The following RGS7 variants were observed in gnomAD, a reference collection of about 807,000 sequenced individuals.
The protein encoded by RGS7 is regulator of G protein signaling 7.
A neutral mutation model predicts 81.1 loss-of-function variants in RGS7; 27 were observed. The observed-to-expected ratio is 0.33, with a 90% CI of 0.25 to 0.46. The LOEUF (loss-of-function observed/expected upper bound fraction) is 0.46. Ranked by LOEUF, RGS7 falls within the 20% of genes least tolerant of loss-of-function variation. The pLI is 1.00. For synonymous variants in RGS7, 208 were observed against 207.7 expected (o/e 1.00, Z -0.01); for missense variants, 396 against 607.4 (o/e 0.65, Z 3.66).
At chr1:241,181,231 T>C (rs1280370308) in intron 2 of RGS7, among the ~76,000 whole-genome samples, 1 of 152,194 alleles carries the variant, frequency 6.6e-6, no homozygotes, top group Non-Finnish European at 1.5e-5. Context: ...TGCCTCTATG[T>C]AGGTTCATTA....
chr1:241,241,086 C>T (rs1309933477), intron 2 of RGS7, among the ~76,000 whole-genome samples: 1 of 152,104 alleles, frequency 6.6e-6, no homozygotes, highest in Non-Finnish European at 1.5e-5. Context: ...GTTTGCTGCC[C>T]TCCAGGTCTT....
chr1:241,096,079 C>G lies in RGS7; in HGVS notation c.175+2587G>C, dbSNP rs560940082. ...CAGTCTGCAACAACTGCACTACCCT[C>G]CTTTCACATATGGCAGGACTTCATC... On this transcript the variant is annotated intron_variant, in intron 3 of 18. Transcript: ENST00000440928. Among the ~76,000 whole-genome samples the G allele has an allele frequency of 5.3e-5, 8 of 152,310 alleles. No individual in the cohort carries two copies. The South Asian group carries it at 1.7e-3, about 32-fold the overall frequency.
chr1:241,128,006 T>C (rs551116284), intron 2 of RGS7, among the ~76,000 whole-genome samples: 8 of 151,998 alleles, frequency 5.3e-5, no homozygotes, highest in South Asian at 2.1e-4. Context: ...GGGTCGGGTG[T>C]GGTGGCTCAC....
At chr1:241,336,117 A>G (rs2082233711) in intron 2 of RGS7, among the ~76,000 whole-genome samples, 1 of 152,138 alleles carries the variant, frequency 6.6e-6, no homozygotes, top group Admixed American at 6.6e-5. Context: ...CTTTTTCTAC[A>G]TAGCCTTGGT....
At chr1:241,296,576 C>A (rs1486974205) in intron 2 of RGS7, among the ~76,000 whole-genome samples, 3 of 152,330 alleles carry the variant, frequency 2.0e-5, no homozygotes. Flanking sequence ...TCAAGTCATT[C>A]CTCCTTTGTC....
chr1:241,147,156 A>C (rs1047615063), intron 2 of RGS7, among the ~76,000 whole-genome samples: 1 of 152,072 alleles, frequency 6.6e-6, no homozygotes, highest in Non-Finnish European at 1.5e-5. Flanking sequence ...ACACGACTCC[A>C]TTTTTCATCA....
chr1:241,217,032 A>G (rs1365412371), intron 2 of RGS7, among the ~76,000 whole-genome samples: 2 of 152,170 alleles, frequency 1.3e-5, no homozygotes, highest in Non-Finnish European at 2.9e-5. Context: ...TTTGTGTCCT[A>G]CCACAAATTC....
intron 2 of RGS7, among the ~76,000 whole-genome samples, chr1:241,245,151 G>A (rs932840588): frequency 6.6e-6 from 1 of 152,002 alleles, no homozygotes; most frequent in Admixed American, 6.6e-5. Flanking sequence ...AAAATGCAAG[G>A]TGATATAATT....
chr1:241,035,586 T>C (rs373398064), intron 3 of RGS7, among the ~76,000 whole-genome samples: 10 of 152,164 alleles, frequency 6.6e-5, no homozygotes, highest in African/African-American at 2.4e-4. Context: ...TATGGCCAAA[T>C]CAACTTATTT....
intron 2 of RGS7, among the ~76,000 whole-genome samples, chr1:241,191,286 T>A (rs1573056095): frequency 6.6e-6 from 1 of 152,290 alleles, no homozygotes; most frequent in Middle Eastern, 3.4e-3. Context: ...GCCTCCACTA[T>A]TGTTATTTTT....
intron 3 of RGS7, among the ~76,000 whole-genome samples, chr1:241,049,280 A>G (rs1275953568): frequency 6.6e-6 from 1 of 152,216 alleles, no homozygotes; most frequent in Admixed American, 6.5e-5. Flanking sequence ...TGCCTTTTAC[A>G]TTCAACTGGA....
rs558372914 is a variant in RGS7 at position 240,995,470 on chromosome 1, T to C, written c.176-12341A>G. On this transcript the variant is annotated intron_variant, in intron 3 of 18. Transcript: ENST00000440928. ...ACCATGAACCTGGAGATTTTGTTTT[T>C]AGAGATTTCTAAATTATGAATTTAA... is the stretch of plus-strand genomic sequence containing the variant. Among the ~76,000 whole-genome samples, 45 of 152,318 alleles carry C rather than the reference T, an allele frequency of 3.0e-4. No homozygotes were observed. The South Asian group carries it at 9.1e-3, about 31-fold the overall frequency.
chr1:241,214,062 G>A (rs749255243), intron 2 of RGS7, among the ~76,000 whole-genome samples: 5 of 152,158 alleles, frequency 3.3e-5, no homozygotes, highest in Non-Finnish European at 7.3e-5. Context: ...ACCATGCCCA[G>A]CAAGAAAAAT....
chr1:241,031,943 A>C (rs2060104119), intron 3 of RGS7, among the ~76,000 whole-genome samples: 2 of 152,112 alleles, frequency 1.3e-5, no homozygotes, highest in African/African-American at 2.4e-5. Flanking sequence ...CACTCTGTTG[A>C]TTATCTCTTT....
At chr1:240,953,573 G>A (rs899303888) in intron 4 of RGS7, among the ~76,000 whole-genome samples, 4 of 151,924 alleles carry the variant, frequency 2.6e-5, no homozygotes, top group Non-Finnish European at 4.4e-5. Flanking sequence ...ATCAAAACAG[G>A]TGGACTGCAG....
At chr1:241,028,238 G>A (rs566458939) in intron 3 of RGS7, among the ~76,000 whole-genome samples, 3 of 152,312 alleles carry the variant, frequency 2.0e-5, no homozygotes, top group African/African-American at 4.8e-5. Flanking sequence ...AGAGGATGCC[G>A]ATGGATAGAG....
intron 3 of RGS7, among the ~76,000 whole-genome samples, chr1:241,087,661 A>G (rs1305210126): frequency 1.3e-5 from 2 of 152,112 alleles, no homozygotes; most frequent in East Asian, 1.9e-4. Context: ...ATAAAACCAT[A>G]TAAGAGGCTG....
Position 240,802,916 on chromosome 1 carries a change from C to A in RGS7, c.1347G>T (p.Gln449His). 1 of 1,609,348 alleles carries A rather than the reference C, an allele frequency of 6.2e-7. No homozygotes were observed. The highest frequency in any genetic ancestry group is 1.1e-5 in the South Asian group (1 of 90,964). ...IRSSAYQELL[Q>H]AKKKSGNSMD... The stretch of plus-strand genomic sequence containing the variant: ...AAAAAACCAGTACCTTTTTCTTTGC[C>A]TGTAGAAGCTCCTGATAGGCACTGG... Residue 449 changes from glutamine (Q) to histidine (H), a missense_variant, in exon 16 of 19, where the codon CAG (glutamine) becomes CAT (histidine). By Grantham distance (24) the Gln-to-His change is conservative. Transcript: ENST00000440928.
At chr1:240,800,524 C>A in intron 18 of RGS7, 117 bp downstream of exon 18, 1 of 482,036 alleles carries the variant, frequency 2.1e-6, no homozygotes, top group Non-Finnish European at 3.7e-6. Context: ...CATAACTCCA[C>A]TGAACTGGCC....
Sources: gnomAD v4.1 joint callset for allele counts (sites outside exome capture counted in the v4.1 genomes callset) on GRCh38, gnomAD v4.1.1 for gene constraint, MANE v1.5 for transcripts, NCBI Gene and HGNC (gene_info 2026-07-23, HGNC 2026-07-21) for gene names.